Variants in RAPGEF1 observed in about 807,000 individuals in gnomAD.
The protein encoded by RAPGEF1 is CRK SH3-binding GNRP.
A neutral mutation model predicts 143.3 loss-of-function variants in RAPGEF1; 33 were observed. The observed-to-expected ratio is 0.23, with a 90% CI of 0.17 to 0.31. The LOEUF (loss-of-function observed/expected upper bound fraction) is 0.31. Ranked by LOEUF, RAPGEF1 falls within the 10% of genes least tolerant of loss-of-function variation. The pLI is 1.00. For synonymous variants in RAPGEF1, 629 were observed against 676.5 expected (o/e 0.93, Z 1.09); for missense variants, 1,199 against 1,645.4 (o/e 0.73, Z 4.69).
At chr9:131,711,047 T>C (rs1441422642) in intron 1 of RAPGEF1, among the ~76,000 whole-genome samples, 1 of 151,970 alleles carries the variant, frequency 6.6e-6, no homozygotes, top group Non-Finnish European at 1.5e-5. Context: ...CTGGTGAATA[T>C]TTAACTTTTT....
chr9:131,616,129 G>A (rs577335305), intron 12 of RAPGEF1, among the ~76,000 whole-genome samples: 20 of 152,146 alleles, frequency 1.3e-4, no homozygotes, highest in East Asian at 1.2e-3. Flanking sequence ...TTAGCTGGGC[G>A]TTGTGGAGGG....
intron 10 of RAPGEF1, among the ~76,000 whole-genome samples, chr9:131,622,588 A>G (rs1961486444): frequency 6.6e-6 from 1 of 152,144 alleles, no homozygotes. Context: ...AGTGTCACTG[A>G]AGGAAAGTGT....
chr9:131,599,564 G>A (rs1955920758), intron 15 of RAPGEF1, among the ~76,000 whole-genome samples: 1 of 152,090 alleles, frequency 6.6e-6, no homozygotes, highest in Non-Finnish European at 1.5e-5. Context: ...AATGGGATGG[G>A]TGAGCCGAGG....
At chr9:131,661,416 T>C (rs936629259) in intron 1 of RAPGEF1, among the ~76,000 whole-genome samples, 5 of 152,178 alleles carry the variant, frequency 3.3e-5, no homozygotes, top group Admixed American at 2.6e-4. Context: ...ATAGTGGTTA[T>C]GCTCGGGGAG....
At chr9:131,643,916 C>T (rs1968786945) in intron 3 of RAPGEF1, among the ~76,000 whole-genome samples, 1 of 152,180 alleles carries the variant, frequency 6.6e-6, no homozygotes, top group Admixed American at 6.5e-5. Context: ...GGACTCCTCA[C>T]TAGGTTCCCA....
At chr9:131,689,161 T>G (rs1337530284) in intron 1 of RAPGEF1, among the ~76,000 whole-genome samples, 1 of 152,258 alleles carries the variant, frequency 6.6e-6, no homozygotes, top group Non-Finnish European at 1.5e-5. Context: ...GAATCATATT[T>G]AACTTCTGTT....
intron 13 of RAPGEF1, 112 bp downstream of exon 13, chr9:131,604,819 A>C: frequency 1.2e-5 from 14 of 1,193,686 alleles, no homozygotes; most frequent in Non-Finnish European, 1.5e-5. Context: ...CTGCTAGTAA[A>C]GGGGAGGCAG....
chr9:131,648,176 G>C (rs769304619), intron 3 of RAPGEF1, among the ~76,000 whole-genome samples: 1 of 152,138 alleles, frequency 6.6e-6, no homozygotes, highest in Non-Finnish European at 1.5e-5. Context: ...GATCACTTGA[G>C]GTCAGGAGTT....
intron 1 of RAPGEF1, among the ~76,000 whole-genome samples, chr9:131,672,702 G>A (rs1831607305): frequency 6.6e-6 from 1 of 152,190 alleles, no homozygotes; most frequent in African/African-American, 2.4e-5. Context: ...GACTTCGACA[G>A]CAGGGGAAGT....
intron 1 of RAPGEF1, among the ~76,000 whole-genome samples, chr9:131,721,735 T>TAA (rs1836280296): frequency 6.6e-6 from 1 of 152,212 alleles, no homozygotes; most frequent in Admixed American, 6.5e-5. Context: ...GTTGTGTCTG[T>TAA]AACTGAAACA....
In RAPGEF1 at chr9:131,583,292, C is replaced by G. The variant is rs1267317642; in HGVS notation, c.3415-590G>C. On this transcript the variant is annotated intron_variant, in intron 24 of 26. Transcript: ENST00000683357. The surrounding 1 kb of genome is among the most constrained non-coding windows in gnomAD (Gnocchi z 4.7). Reference sequence around the variant, plus strand: ...TACGTGCCTCTCCCTGAAGTGCTGCCTCCTGAGGACCCCCCATGCAGAGGC... The same window carrying G: ...TACGTGCCTCTCCCTGAAGTGCTGCGTCCTGAGGACCCCCCATGCAGAGGC... Among the ~76,000 whole-genome samples the G allele has an allele frequency of 6.6e-6, 1 of 152,182 alleles. No homozygotes were observed. Among genetic ancestry groups the G allele is most frequent in the Admixed American group, 6.5e-5 (1 of 15,278 alleles).
intron 1 of RAPGEF1, among the ~76,000 whole-genome samples, chr9:131,696,565 C>A (rs1194071586): frequency 1.3e-5 from 2 of 152,214 alleles, no homozygotes. Context: ...TATGCTCGGA[C>A]TTTAGAATCT....
chr9:131,637,022 T>C (rs1192468176), intron 5 of RAPGEF1, among the ~76,000 whole-genome samples: 1 of 151,890 alleles, frequency 6.6e-6, no homozygotes, highest in Admixed American at 6.6e-5. Flanking sequence ...GGTCAGGAGT[T>C]CGAGACCAGC....
intron 22 of RAPGEF1, among the ~76,000 whole-genome samples, chr9:131,586,794 A>AC (rs1953020145): frequency 3.0e-5 from 2 of 67,312 alleles, no homozygotes; most frequent in Admixed American, 1.4e-4. Flanking sequence ...AGACTCCGTC[A>AC]AACACACACA....
chr9:131,678,290 A>C (rs1308804038), intron 1 of RAPGEF1, among the ~76,000 whole-genome samples: 1 of 152,224 alleles, frequency 6.6e-6, no homozygotes, highest in Non-Finnish European at 1.5e-5. Flanking sequence ...CATTAAAAGA[A>C]AGTAAATAAA....
intron 15 of RAPGEF1, among the ~76,000 whole-genome samples, chr9:131,599,889 G>A (rs987513435): frequency 1.3e-4 from 20 of 152,230 alleles, no homozygotes; most frequent in Non-Finnish European, 2.5e-4. Context: ...AGGCCGAGGC[G>A]GGTGGATCAC....
At position 131,579,543 on chromosome 9, in the gene RAPGEF1, G is replaced by T; in HGVS notation, c.3746C>A (p.Pro1249His). The T allele has an allele frequency of 6.2e-7, 1 of 1,614,042 alleles. No homozygotes were observed. The highest frequency in any genetic ancestry group is 8.5e-7 in the Non-Finnish European group (1 of 1,179,894). ...ALWELSLKIKPRNITRRKTDR... is the reference protein window; with the variant it reads ...ALWELSLKIKHRNITRRKTDR... ...TGTTTTTCTCCTTGTTATGTTCCTG[G>T]GTTTAATTTTCAGAGACAGTTCCCA... The change falls in exon 27 of 27, where the codon CCC becomes CAC. Residue 1249 changes from proline to histidine, a missense_variant. Pro to His is a moderately conservative substitution (Grantham distance 77). Coordinates refer to ENST00000683357, the MANE Select transcript of RAPGEF1 (RefSeq NM_001377935.1).
At chr9:131,605,954 G>T (rs1487692719) in intron 12 of RAPGEF1, among the ~76,000 whole-genome samples, 1 of 152,072 alleles carries the variant, frequency 6.6e-6, no homozygotes, top group African/African-American at 2.4e-5. Context: ...AGTGCCTGCA[G>T]TTTTAGCTGC....
At chr9:131,627,175 C>G (rs2133005488) in intron 9 of RAPGEF1, among the ~76,000 whole-genome samples, 2 of 130,414 alleles carry the variant, frequency 1.5e-5, no homozygotes, top group Non-Finnish European at 3.1e-5. Flanking sequence ...GATCATGTCA[C>G]TACACTCCAG....
Sources: gnomAD v4.1 joint callset for allele counts (sites outside exome capture counted in the v4.1 genomes callset) on GRCh38, gnomAD v4.1.1 for gene constraint, Gnocchi (gnomAD v3.1) non-coding constraint, MANE v1.5 for transcripts, NCBI Gene and HGNC (gene_info 2026-07-23, HGNC 2026-07-21) for gene names.